ADGRL3: variants seen among roughly 807,000 people sequenced by gnomAD.
ADGRL3 encodes the protein adhesion G protein-coupled receptor L3, also known as calcium-independent alpha-latrotoxin receptor 3.
ADGRL3 carries 62 observed loss-of-function variants against 153.5 expected under a neutral mutation model. That is an observed-to-expected ratio of 0.40 (90% CI 0.33 to 0.50). ADGRL3 has a LOEUF of 0.50. ADGRL3 is among the 20% of genes least tolerant of loss of function. The pLI, the probability that ADGRL3 is intolerant of heterozygous loss-of-function variation, is 0.47. For synonymous variants in ADGRL3, 710 were observed against 672.5 expected, an observed-to-expected ratio of 1.06 and a Z score of -0.86; for missense variants, 1,641 against 1,859.4, an observed-to-expected ratio of 0.88 and a Z score of 2.16.
chr4:61,262,229 A>G (rs1276476676), intron 1 of ADGRL3, among the ~76,000 whole-genome samples: 1 of 152,152 alleles, frequency 6.6e-6, no homozygotes, highest in Non-Finnish European at 1.5e-5. Flanking sequence ...ATTATAATAC[A>G]TTCTTTTTAT....
intron 7 of ADGRL3, among the ~76,000 whole-genome samples, chr4:61,731,326 T>G (rs1420648216): frequency 6.6e-6 from 1 of 152,072 alleles, no homozygotes; most frequent in Admixed American, 6.6e-5. Flanking sequence ...CTTAGATTGT[T>G]TTCCATTGCA....
chr4:61,426,198 C>T (rs988018350), intron 2 of ADGRL3, among the ~76,000 whole-genome samples: 7 of 152,222 alleles, frequency 4.6e-5, no homozygotes, highest in African/African-American at 1.2e-4. Flanking sequence ...CTAGCCAATT[C>T]GGTAATTTCC....
intron 23 of ADGRL3, among the ~76,000 whole-genome samples, chr4:62,034,545 CTG>C (rs1269852959): frequency 6.6e-6 from 1 of 151,720 alleles, no homozygotes; most frequent in Non-Finnish European, 1.5e-5. Flanking sequence ...TGTATAAAAA[CTG>C]TCGTGTACTT....
chr4:61,358,947 C>T (rs544830520), intron 1 of ADGRL3, among the ~76,000 whole-genome samples: 189 of 152,250 alleles, frequency 1.2e-3, no homozygotes, highest in Middle Eastern at 6.8e-3. Flanking sequence ...TTGATAGGCC[C>T]ATCCAACTAA....
At position 61,676,019 on chromosome 4, in the gene ADGRL3, G is replaced by C. The variant is rs888295783; in HGVS notation, c.474-807G>C. ...ACCCTACAGCTCCATGGGTTTAATG[G>C]CTCCCATAAATAAGAACATGCAAAG... On this transcript the variant is annotated intron_variant, in intron 5 of 26. Coordinates refer to ENST00000683033, the MANE Select transcript of ADGRL3 (RefSeq NM_001387552.1). Among the ~76,000 whole-genome samples the C allele has an allele frequency of 2.0e-5, 3 of 151,542 alleles. No homozygotes were observed. In the Admixed American group the frequency reaches 2.0e-4, roughly 10 times the overall value.
At chr4:61,851,162 A>G (rs747843950) in intron 9 of ADGRL3, among the ~76,000 whole-genome samples, 5 of 152,182 alleles carry the variant, frequency 3.3e-5, no homozygotes, top group Non-Finnish European at 7.3e-5. Flanking sequence ...CTTTTTAAAT[A>G]TACTGATATA....
intron 9 of ADGRL3, among the ~76,000 whole-genome samples, chr4:61,878,900 A>C (rs1357200376): frequency 2.0e-5 from 3 of 152,176 alleles, no homozygotes; most frequent in Non-Finnish European, 2.9e-5. Context: ...TTGACTCTTA[A>C]ATTCTATGGG....
intron 1 of ADGRL3, chr4:61,211,940 T>G (rs1361750391): frequency 6.6e-6 from 1 of 152,302 alleles, no homozygotes; most frequent in Non-Finnish European, 1.5e-5. Flanking sequence ...GATTTTTTCC[T>G]GCACATGCTT....
intron 1 of ADGRL3, among the ~76,000 whole-genome samples, chr4:61,314,361 C>T (rs2095128984): frequency 6.6e-6 from 1 of 152,070 alleles, no homozygotes; most frequent in Non-Finnish European, 1.5e-5. Flanking sequence ...AGGCATGTGC[C>T]GCCATGCCCG....
chr4:61,951,588 G>T (rs1288100985), intron 17 of ADGRL3, among the ~76,000 whole-genome samples: 2 of 152,190 alleles, frequency 1.3e-5, no homozygotes, highest in East Asian at 3.8e-4. Context: ...TAGACTGGCT[G>T]GGCGTAGTGG....
chr4:61,655,024 A>G (rs919863252), intron 5 of ADGRL3, among the ~76,000 whole-genome samples: 1 of 152,194 alleles, frequency 6.6e-6, no homozygotes, highest in Non-Finnish European at 1.5e-5. Flanking sequence ...ACTTTTCTAA[A>G]TGAGTTGTCT....
chr4:61,953,853 C>T (rs1221770372), intron 17 of ADGRL3, among the ~76,000 whole-genome samples: 1 of 152,166 alleles, frequency 6.6e-6, no homozygotes, highest in Non-Finnish European at 1.5e-5. Flanking sequence ...ATTCTTGCAA[C>T]ACGTTCTTCA....
At chr4:61,728,241 C>T (rs769267098) in intron 6 of ADGRL3, among the ~76,000 whole-genome samples, 5 of 151,972 alleles carry the variant, frequency 3.3e-5, no homozygotes, top group Non-Finnish European at 7.4e-5. Flanking sequence ...TAATTTTCTC[C>T]AAAGCACAAC....
intron 17 of ADGRL3, among the ~76,000 whole-genome samples, chr4:61,979,232 T>C (rs2099058921): frequency 6.6e-6 from 1 of 152,198 alleles, no homozygotes; most frequent in East Asian, 1.9e-4. Context: ...GTGATATAAA[T>C]TTAAAAAATA....
intron 17 of ADGRL3, among the ~76,000 whole-genome samples, chr4:61,970,935 C>T (rs1315928468): frequency 1.3e-5 from 2 of 151,980 alleles, no homozygotes; most frequent in African/African-American, 4.8e-5. Flanking sequence ...TCACAGAGTT[C>T]ATGCCACGTT....
chr4:61,235,040 G>A (rs759879595), intron 1 of ADGRL3, among the ~76,000 whole-genome samples: 18 of 152,074 alleles, frequency 1.2e-4, no homozygotes, highest in Non-Finnish European at 2.1e-4. Context: ...CAGAAGAGAT[G>A]GAAATGAGCC....
intron 25 of ADGRL3, among the ~76,000 whole-genome samples, chr4:62,046,262 T>C (rs1389970761): frequency 1.3e-5 from 2 of 151,906 alleles, no homozygotes; most frequent in African/African-American, 2.4e-5. Context: ...TGTATGTATA[T>C]TAGGATAAAC....
At chr4:61,524,751 TCCC>T (rs2098549934) in intron 4 of ADGRL3, among the ~76,000 whole-genome samples, 14 of 152,112 alleles carry the variant, frequency 9.2e-5, no homozygotes, top group Admixed American at 9.2e-4. Context: ...CTGCTGTTTA[TCCC>T]TTTTTTTGAC....
chr4:61,835,245 G>T (rs2097917879), intron 9 of ADGRL3, among the ~76,000 whole-genome samples: 1 of 149,628 alleles, frequency 6.7e-6, no homozygotes, highest in African/African-American at 2.5e-5. Flanking sequence ...GAGTTCTGCG[G>T]CTCCTCCTCT....
Sources: gnomAD v4.1 joint callset for allele counts (sites outside exome capture counted in the v4.1 genomes callset) on GRCh38, gnomAD v4.1.1 for gene constraint, MANE v1.5 for transcripts, NCBI Gene and HGNC (gene_info 2026-07-23, HGNC 2026-07-21) for gene names.